Variants in SLC5A3 observed in about 807,000 individuals in gnomAD.
SLC5A3 encodes the protein sodium/myo-inositol cotransporter.
In SLC5A3, 10 loss-of-function variants were observed where a neutral mutation model predicts 43.2. The observed-to-expected ratio is 0.23, with a 90% CI of 0.14 to 0.39. The LOEUF (loss-of-function observed/expected upper bound fraction) is 0.39. SLC5A3 is among the 10% of genes least tolerant of loss of function. SLC5A3 has a pLI of 1.00. For synonymous variants in SLC5A3, 349 were observed against 322.0 expected (o/e 1.08, Z -0.90); for missense variants, 608 against 893.4 (o/e 0.68, Z 4.07).
At chr21:34,077,571 TTATATA>T (rs532995311) in intron 1 of SLC5A3, among the ~76,000 whole-genome samples, 1 of 151,814 alleles carries the variant, frequency 6.6e-6, no homozygotes. Flanking sequence ...AAGATAGCAT[TTATATA>T]TATATATCTT....
At chr21:34,083,338 T>TA (rs887235000) in intron 1 of SLC5A3, among the ~76,000 whole-genome samples, 14 of 152,238 alleles carry the variant, frequency 9.2e-5, no homozygotes, top group African/African-American at 3.4e-4. Flanking sequence ...AAGTTCCAGA[T>TA]ATCTGCTCCC....
chr21:34,087,989 T>G (rs1978482588), intron 1 of SLC5A3, among the ~76,000 whole-genome samples: 1 of 152,220 alleles, frequency 6.6e-6, no homozygotes. Flanking sequence ...GTTGCTGTTC[T>G]GAGATGGGGA....
intron 1 of SLC5A3, among the ~76,000 whole-genome samples, chr21:34,088,287 C>A (rs1246198391): frequency 6.6e-6 from 1 of 152,194 alleles, no homozygotes; most frequent in East Asian, 1.9e-4. Context: ...CTAATTAACA[C>A]TGATAAAAAG....
Position 34,102,034 on chromosome 21 carries a change from T to C in SLC5A3, c.*4679T>C. On this transcript the variant is annotated 3_prime_UTR_variant, in exon 2 of 2. Transcript: ENST00000381151. ...AGAGGAACCCTTTTGTACTGGAACG[T>C]ATGAGGCTGGATTGTGAAAAGGTAA... 1.0e-6 allele frequency: 1 copy of C among 1,000,174 alleles called. No individual in the cohort carries two copies. The highest frequency in any genetic ancestry group is 1.7e-5 in the African/African-American group (1 of 57,364). 62.0% of individuals were successfully genotyped at this position (1,000,174 alleles called of 1,614,324 possible).
At position 34,098,004 on chromosome 21, in the gene SLC5A3, C is replaced by A; in HGVS notation, c.*649C>A. On this transcript the variant is annotated 3_prime_UTR_variant, in exon 2 of 2. Transcript: ENST00000381151. ...TTTGTTCCAGTTCCTTTTTTTTTTT[C>A]TTTCTACTTTCAAGTTTAAGTGAAC... is the stretch of plus-strand genomic sequence containing the variant. 10 of 981,238 alleles carry A rather than the reference C, an allele frequency of 1.0e-5. No homozygotes were observed. The highest frequency in any genetic ancestry group is 1.2e-5 in the Non-Finnish European group (10 of 820,348). 60.8% of individuals were successfully genotyped at this position (981,238 alleles called of 1,614,324 possible).
At chr21:34,086,905 C>T (rs1978417718) in intron 1 of SLC5A3, among the ~76,000 whole-genome samples, 3 of 152,152 alleles carry the variant, frequency 2.0e-5, no homozygotes, top group South Asian at 2.1e-4. Context: ...TTGTTGCTTG[C>T]CGGCACTGAC....
rs1979233728 is a variant in SLC5A3, at chr21:34,101,450, G to A, written c.*4095G>A. The stretch of plus-strand genomic sequence containing the variant: ...AAGATTTTGCATTAGCCAGATGCTA[G>A]GTTGTTGAAGGCATTTCAGTGTTGA... On this transcript the variant is annotated 3_prime_UTR_variant, in exon 2 of 2. Coordinates refer to ENST00000381151, the MANE Select transcript of SLC5A3 (RefSeq NM_006933.7). The A allele has an allele frequency of 1.0e-6, 1 of 1,000,160 alleles. No homozygotes were observed. Among genetic ancestry groups the A allele is most frequent in the African/African-American group, 1.7e-5 (1 of 57,368 alleles). The allele number at this position is 1,000,160 out of a possible 1,614,324, so 62.0% of individuals were successfully genotyped here.
intron 1 of SLC5A3, among the ~76,000 whole-genome samples, chr21:34,078,834 C>CT (rs1989393777): frequency 6.6e-6 from 1 of 152,156 alleles, no homozygotes; most frequent in Non-Finnish European, 1.5e-5. Flanking sequence ...GATTATCAGA[C>CT]TTTTCCTATT....
intron 1 of SLC5A3, among the ~76,000 whole-genome samples, chr21:34,085,219 G>A (rs1273935987): frequency 2.0e-5 from 3 of 152,146 alleles, no homozygotes; most frequent in African/African-American, 7.2e-5. Context: ...TTGGAGTCCA[G>A]GCCTACTGTT....
chr21:34,096,913 T>G lies in SLC5A3; in HGVS notation c.1715T>G (p.Ile572Ser), dbSNP rs1489079940. 1 of 1,614,108 alleles carries G rather than the reference T, an allele frequency of 6.2e-7. No individual in the cohort carries two copies. Among genetic ancestry groups the G allele is most frequent in the Non-Finnish European group, 8.5e-7 (1 of 1,179,984 alleles). Residue 572 changes from isoleucine (I) to serine (S), a missense_variant, in exon 2 of 2, where the codon ATT becomes AGT. Coordinates refer to ENST00000381151, the MANE Select transcript of SLC5A3 (RefSeq NM_006933.7). This position sits in a 1 kb window ranked among gnomAD's most constrained non-coding sequence, Gnocchi z 5.9. Reference protein sequence around the residue: ...EEPYKMQEKSILRCSENNETI... With the variant: ...EEPYKMQEKSSLRCSENNETI... ...CCATACAAAATGCAAGAAAAGAGCA[T>G]TCTGAGATGCAGTGAGAATAATGAG...
chr21:34,097,251 T>TA lies in SLC5A3; in HGVS notation c.2053_2054insA (p.Leu685TyrfsTer11), dbSNP rs1323054289. ...CCTGATGGAAGAGGAGGCTGTTTGT[T>TA]TACAGATGCTAGAAGAGACTCGGCA... On this transcript the variant is annotated frameshift_variant, in exon 2 of 2. Coordinates refer to ENST00000381151, the MANE Select transcript of SLC5A3 (RefSeq NM_006933.7). LOFTEE classifies it high-confidence loss of function. 6.2e-7 allele frequency: 1 copy of TA among 1,614,066 alleles called. No homozygotes were observed. The highest frequency in any genetic ancestry group is 1.3e-5 in the African/African-American group (1 of 75,034).
In SLC5A3 at chr21:34,105,373, A is replaced by G; in HGVS notation, c.*8018A>G. The G allele has an allele frequency of 1.0e-6, 1 of 999,700 alleles. No individual in the cohort carries two copies. The highest frequency in any genetic ancestry group is 1.2e-6 in the Non-Finnish European group (1 of 829,552). 61.9% of individuals were successfully genotyped at this position (999,700 alleles called of 1,614,324 possible). On this transcript the variant is annotated 3_prime_UTR_variant, in exon 2 of 2. Transcript: ENST00000381151. ...GTGCAAAAGTTAGTAGTCTTCTTCA[A>G]GAAGAAAACCAATTCTTTTTCTAAT... is the stretch of plus-strand genomic sequence containing the variant.
chr21:34,075,212 C>T (rs913673396), intron 1 of SLC5A3, among the ~76,000 whole-genome samples: 2 of 152,142 alleles, frequency 1.3e-5, no homozygotes, highest in Non-Finnish European at 2.9e-5. Context: ...ACTGAAATTC[C>T]TTTTGTTTAC....
chr21:34,085,877 C>T (rs181681651), intron 1 of SLC5A3, among the ~76,000 whole-genome samples: 91 of 152,298 alleles, frequency 6.0e-4, no homozygotes, highest in African/African-American at 2.1e-3. Flanking sequence ...GCTGGGATTA[C>T]AGGTGTGAGC....
intron 1 of SLC5A3, among the ~76,000 whole-genome samples, chr21:34,076,341 A>G (rs1940532759): frequency 6.6e-6 from 1 of 152,198 alleles, no homozygotes; most frequent in Non-Finnish European, 1.5e-5. Context: ...AAAATTTAAA[A>G]TACAGGCCCT....
At chr21:34,074,219 C>T (rs1184975869) in intron 1 of SLC5A3, among the ~76,000 whole-genome samples, 1 of 151,044 alleles carries the variant, frequency 6.6e-6, no homozygotes, top group Non-Finnish European at 1.5e-5. Context: ...CCGACCGCCT[C>T]CGCTCTAGCG....
rs1979250033 is a variant in SLC5A3 at position 34,101,821 on chromosome 21, T to C, written c.*4466T>C. 1.0e-6 allele frequency: 1 copy of C among 998,984 alleles called. No homozygotes were observed. Among genetic ancestry groups the C allele is most frequent in the Admixed American group, 6.2e-5 (1 of 16,244 alleles). 61.9% of individuals were successfully genotyped at this position (998,984 alleles called of 1,614,324 possible). On this transcript the variant is annotated 3_prime_UTR_variant, in exon 2 of 2. Coordinates refer to ENST00000381151, the MANE Select transcript of SLC5A3 (RefSeq NM_006933.7). ...AGGAATGATTTTCTCACACTTTGTGTTGGCTAATAATAAAAGCACTGTTTT... is the reference window on the plus strand; with the variant it reads ...AGGAATGATTTTCTCACACTTTGTGCTGGCTAATAATAAAAGCACTGTTTT...
Position 34,102,997 on chromosome 21 carries a change from TAGAC to T in SLC5A3, c.*5646_*5649del, listed in dbSNP as rs1338084816. The T allele has an allele frequency of 4.9e-5, 49 of 999,868 alleles. No homozygotes were observed. The highest frequency in any genetic ancestry group is 1.1e-4 in the East Asian group (1 of 8,832). The allele number at this position is 999,868 out of a possible 1,614,324, so 61.9% of individuals were successfully genotyped here. On this transcript the variant is annotated 3_prime_UTR_variant, in exon 2 of 2. Coordinates refer to ENST00000381151, the MANE Select transcript of SLC5A3 (RefSeq NM_006933.7). ...AAGAGTGTTTACTTTTTATTGCTCT[TAGAC>T]AGAGTAGTCTAGATAAGTTTTCAAT...
In SLC5A3 at chr21:34,104,386, G is replaced by C; in HGVS notation, c.*7031G>C. 1.0e-6 allele frequency: 1 copy of C among 1,000,174 alleles called. No homozygotes were observed. Among genetic ancestry groups the C allele is most frequent in the Non-Finnish European group, 1.2e-6 (1 of 829,958 alleles). 62.0% of individuals were successfully genotyped at this position (1,000,174 alleles called of 1,614,324 possible). ...TTCCACCTCCTCACTTCACCTCCGA[G>C]TAGCTTGTTTATCAAGAATGAATGA... On this transcript the variant is annotated 3_prime_UTR_variant, in exon 2 of 2. Transcript: ENST00000381151.
Sources: allele counts gnomAD v4.1 joint callset (sites outside exome capture counted in the v4.1 genomes callset), GRCh38; gene constraint gnomAD v4.1.1; non-coding constraint Gnocchi (gnomAD v3.1); transcripts MANE v1.5; gene names NCBI Gene and HGNC (gene_info 2026-07-23, HGNC 2026-07-21).